ALKBH4: variants seen among roughly 807,000 people sequenced by gnomAD.
The protein encoded by ALKBH4 is alpha-ketoglutarate-dependent dioxygenase alkB homolog 4.
In ALKBH4, 8 loss-of-function variants were observed where a neutral mutation model predicts 12.1. The observed-to-expected ratio is 0.66, with a 90% CI of 0.39 to 1.19. The LOEUF is 1.19. ALKBH4 is among the 50% of genes most tolerant of loss of function. The pLI, the probability that ALKBH4 is intolerant of heterozygous loss-of-function variation, is 0.01. For missense variants in ALKBH4, 403 were observed against 430.4 expected (o/e 0.94, Z 0.56); for synonymous variants, 195 against 191.6 (o/e 1.02, Z -0.15).
intron 2 of ALKBH4, 76 bp downstream of exon 2, chr7:102,459,528 A>C (rs1322995405): frequency 6.7e-7 from 1 of 1,500,252 alleles, no homozygotes; most frequent in East Asian, 2.3e-5. Flanking sequence ...GGCTGCAAGG[A>C]GGGGGATGGC....
chr7:102,459,873 G>C (rs976840841), intron 1 of ALKBH4, 72 bp from the exon 2 acceptor site: 1 of 1,423,684 alleles, frequency 7.0e-7, no homozygotes, highest in African/African-American at 1.4e-5. Context: ...GTTAAAACAG[G>C]CCAGGTGCGG....
chr7:102,463,956 A>C (rs887786364), intron 1 of ALKBH4, among the ~76,000 whole-genome samples: 2 of 151,974 alleles, frequency 1.3e-5, no homozygotes, highest in African/African-American at 4.8e-5. Flanking sequence ...ACTCCTTTAA[A>C]ACCCTTCAAG....
intron 2 of ALKBH4, among the ~76,000 whole-genome samples, chr7:102,458,659 G>C (rs1210593343): frequency 6.6e-6 from 1 of 151,182 alleles, no homozygotes; most frequent in Admixed American, 6.6e-5. Context: ...GATCGCTAGA[G>C]CCTGGGGGGT....
At position 102,457,481 on chromosome 7, in the gene ALKBH4, C is replaced by T. The variant is rs1054777480; in HGVS notation, c.822G>A (p.Ser274=). The T allele has an allele frequency of 9.9e-6, 16 of 1,613,500 alleles. No individual in the cohort carries two copies. Among genetic ancestry groups the T allele is most frequent in the Middle Eastern group, 1.6e-4 (1 of 6,062 alleles). The change falls in exon 3 of 3, where the codon TCG becomes TCA. Residue 274 remains serine (S), a synonymous_variant. Transcript: ENST00000292566. This position sits in a 1 kb window ranked among gnomAD's most constrained non-coding sequence, Gnocchi z 5.9. ...GCCTCCCTCCAGGGCCAAACTCAGC[C>T]GACAGCTCCCGGAAAGTGACGCAGA... The part of the protein sequence containing the change: ...RRVCVTFREL[S]AEFGPGGRQQ...
In ALKBH4 at chr7:102,457,635, C is replaced by A; in HGVS notation, c.668G>T (p.Arg223Leu). The change falls in exon 3 of 3, where the codon CGG becomes CTG. Residue 223 changes from arginine (R) to leucine (L), a missense_variant. Transcript: ENST00000292566. This position sits in a 1 kb window ranked among gnomAD's most constrained non-coding sequence, Gnocchi z 5.9. ...ALVDSVIAPS[R>L]SVLCQEVEVA... The stretch of plus-strand genomic sequence containing the variant: ...CTCCACCTCCTGGCATAGCACCGAC[C>A]GGCTGGGTGCTATCACGCTGTCCAC... 1 of 1,582,656 alleles carries A rather than the reference C, an allele frequency of 6.3e-7. No homozygotes were observed. The highest frequency in any genetic ancestry group is 2.3e-5 in the East Asian group (1 of 43,618).
In ALKBH4 at chr7:102,457,334, C is replaced by T; in HGVS notation, c.*60G>A. The T allele has an allele frequency of 5.2e-6, 8 of 1,534,044 alleles. No individual in the cohort carries two copies. The highest frequency in any genetic ancestry group is 7.1e-6 in the Non-Finnish European group (8 of 1,127,214). On this transcript the variant is annotated 3_prime_UTR_variant, in exon 3 of 3. Coordinates refer to ENST00000292566, the MANE Select transcript of ALKBH4 (RefSeq NM_017621.4). The surrounding 1 kb of genome is among the most constrained non-coding windows in gnomAD (Gnocchi z 5.9). ...GAAACCCCGTGAGTTGCAGGAGGCCCTGTTCTGTGCTCCTCATTTCAATCC... is the reference window on the plus strand; with the variant it reads ...GAAACCCCGTGAGTTGCAGGAGGCCTTGTTCTGTGCTCCTCATTTCAATCC...
chr7:102,457,450 C>T lies in ALKBH4; in HGVS notation c.853G>A (p.Glu285Lys). The T allele has an allele frequency of 6.2e-7, 1 of 1,613,514 alleles. No individual in the cohort carries two copies. The highest frequency in any genetic ancestry group is 8.5e-7 in the Non-Finnish European group (1 of 1,180,018). ...AEFGPGGRQQ[E>K]LGQELLRIAL... ...ATCCGCAGCAGTTCCTGGCCCAGCT[C>T]TTGCTGCCTCCCTCCAGGGCCAAAC... The change falls in exon 3 of 3, where the codon GAG becomes AAG. Residue 285 changes from glutamate (E) to lysine (K), a missense_variant. Physicochemically the swap from Glu to Lys is moderately conservative, Grantham distance 56. Transcript: ENST00000292566. The surrounding 1 kb of genome is among the most constrained non-coding windows in gnomAD (Gnocchi z 5.9).
rs372968103 is a variant in ALKBH4, at chr7:102,457,933, C to T, written c.370G>A (p.Gly124Ser). 3.1e-6 allele frequency: 5 copies of T among 1,613,008 alleles called. No homozygotes were observed. Among genetic ancestry groups the T allele is most frequent in the Non-Finnish European group, 4.2e-6 (5 of 1,179,538 alleles). Reference protein sequence around the residue: ...NFRKQKLKTEGFCGLPSFSRE... With the variant: ...NFRKQKLKTESFCGLPSFSRE... ...CTGAAGCTGGGGAGGCCGCAGAAGCCCTCGGTCTTTAGCTTCTGTTTCCGA... is the reference window on the plus strand; with the variant it reads ...CTGAAGCTGGGGAGGCCGCAGAAGCTCTCGGTCTTTAGCTTCTGTTTCCGA... The change falls in exon 3 of 3, where the codon GGC (glycine) becomes AGC (serine). Residue 124 changes from glycine to serine, a missense_variant. By Grantham distance (56) the Gly-to-Ser change is moderately conservative (BLOSUM62 0). Coordinates refer to ENST00000292566, the MANE Select transcript of ALKBH4 (RefSeq NM_017621.4). The surrounding 1 kb of genome is among the most constrained non-coding windows in gnomAD (Gnocchi z 5.9).
chr7:102,457,717 C>T lies in ALKBH4; in HGVS notation c.586G>A (p.Glu196Lys). The part of the protein sequence containing the change: ...LSPTVLSMCR[E>K]APGSLLLCSA... Reference sequence around the variant, plus strand: ...CAGAGGAGCAGGCTCCCGGGCGCCTCCCGACACATGGACAGCACGGTGGGG... The same window carrying T: ...CAGAGGAGCAGGCTCCCGGGCGCCTTCCGACACATGGACAGCACGGTGGGG... Residue 196 changes from glutamate (E) to lysine (K), a missense_variant, in exon 3 of 3, where the codon GAG becomes AAG. Coordinates refer to ENST00000292566, the MANE Select transcript of ALKBH4 (RefSeq NM_017621.4). The surrounding 1 kb of genome is among the most constrained non-coding windows in gnomAD (Gnocchi z 5.9). The T allele has an allele frequency of 6.4e-7, 1 of 1,561,254 alleles. No individual in the cohort carries two copies. Among genetic ancestry groups the T allele is most frequent in the South Asian group, 1.1e-5 (1 of 87,440 alleles).
chr7:102,457,326 A>C lies in ALKBH4; in HGVS notation c.*68T>G. 6 of 1,502,654 alleles carry C rather than the reference A, an allele frequency of 4.0e-6. No individual in the cohort carries two copies. The highest frequency in any genetic ancestry group is 5.4e-6 in the Non-Finnish European group (6 of 1,102,772). 93.1% of individuals were successfully genotyped at this position (1,502,654 alleles called of 1,614,324 possible). A position where few individuals can be genotyped will look rare whatever the true frequency, so the allele number is the denominator to read the frequency against. ...CTTCTCTTGAAACCCCGTGAGTTGC[A>C]GGAGGCCCTGTTCTGTGCTCCTCAT... On this transcript the variant is annotated 3_prime_UTR_variant, in exon 3 of 3. Coordinates refer to ENST00000292566, the MANE Select transcript of ALKBH4 (RefSeq NM_017621.4). This position sits in a 1 kb window ranked among gnomAD's most constrained non-coding sequence, Gnocchi z 5.9.
intron 1 of ALKBH4, among the ~76,000 whole-genome samples, chr7:102,463,482 A>C (rs956338326): frequency 6.6e-6 from 1 of 151,694 alleles, no homozygotes; most frequent in Admixed American, 6.6e-5. Flanking sequence ...GATGTGCCTC[A>C]CCAAGCCCGG....
chr7:102,459,577 AC>A, intron 2 of ALKBH4, 26 bp downstream of exon 2: 1 of 1,596,786 alleles, frequency 6.3e-7, no homozygotes, highest in Admixed American at 1.7e-5. Flanking sequence ...CAGCCCAGCA[AC>A]CCCCATGAGC....
chr7:102,460,324 C>CA (rs1156512949), intron 1 of ALKBH4, among the ~76,000 whole-genome samples: 136 of 58,432 alleles, frequency 2.3e-3, no homozygotes, highest in East Asian at 6.4e-3. Flanking sequence ...GACCCTGTCT[C>CA]AAAAAAAAAA....
In ALKBH4 at chr7:102,457,615, C is replaced by G; in HGVS notation, c.688G>C (p.Val230Leu). 6.3e-7 allele frequency: 1 copy of G among 1,597,890 alleles called. No homozygotes were observed. The highest frequency in any genetic ancestry group is 8.5e-7 in the Non-Finnish European group (1 of 1,177,310). The change falls in exon 3 of 3, where the codon GTG becomes CTG. Residue 230 changes from valine (V) to leucine (L), a missense_variant. By Grantham distance (32) the Val-to-Leu change is conservative. Coordinates refer to ENST00000292566, the MANE Select transcript of ALKBH4 (RefSeq NM_017621.4). The surrounding 1 kb of genome is among the most constrained non-coding windows in gnomAD (Gnocchi z 5.9). ...GCGGGTAAGGGGATGGCCACCTCCACCTCCTGGCATAGCACCGACCGGCTG... is the reference window on the plus strand; with the variant it reads ...GCGGGTAAGGGGATGGCCACCTCCAGCTCCTGGCATAGCACCGACCGGCTG... The part of the protein sequence containing the change: ...APSRSVLCQE[V>L]EVAIPLPARS...
rs749692469 is a variant in ALKBH4, at chr7:102,457,682, C to T, written c.621G>A (p.Pro207=). 26 of 1,556,364 alleles carry T rather than the reference C, an allele frequency of 1.7e-5. No homozygotes were observed. The highest frequency in any genetic ancestry group is 1.7e-4 in the Middle Eastern group (1 of 5,960). The change falls in exon 3 of 3, where the codon CCG becomes CCA. Residue 207 remains proline (P), a synonymous_variant. Coordinates refer to ENST00000292566, the MANE Select transcript of ALKBH4 (RefSeq NM_017621.4). This position sits in a 1 kb window ranked among gnomAD's most constrained non-coding sequence, Gnocchi z 5.9. ...CCACCAAGGCCTCCGGGGCAGCCGACGGGGCCGAGCAGAGGAGCAGGCTCC... is the reference window on the plus strand; with the variant it reads ...CCACCAAGGCCTCCGGGGCAGCCGATGGGGCCGAGCAGAGGAGCAGGCTCC... ...APGSLLLCSA[P]SAAPEALVDS...
At chr7:102,459,843 A>T (rs1284990786) in intron 1 of ALKBH4, 42 bp from the exon 2 acceptor site, 1 of 1,534,512 alleles carries the variant, frequency 6.5e-7, no homozygotes, top group Non-Finnish European at 8.8e-7. Context: ...CAACACAGCG[A>T]GACCCGGTCC....
chr7:102,457,291 G>C lies in ALKBH4; in HGVS notation c.*103C>G. On this transcript the variant is annotated 3_prime_UTR_variant, in exon 3 of 3. Coordinates refer to ENST00000292566, the MANE Select transcript of ALKBH4 (RefSeq NM_017621.4). This position sits in a 1 kb window ranked among gnomAD's most constrained non-coding sequence, Gnocchi z 5.9. ...GGCTCACACTGCTCACAGCATCAGG[G>C]GTCAGCCATCTTCTCTTGAAACCCC... The C allele has an allele frequency of 3.0e-6, 4 of 1,319,628 alleles. No individual in the cohort carries two copies. Among genetic ancestry groups the C allele is most frequent in the Non-Finnish European group, 4.2e-6 (4 of 946,466 alleles). 81.7% of individuals were successfully genotyped at this position (1,319,628 alleles called of 1,614,324 possible).
At position 102,456,564 on chromosome 7, in the gene ALKBH4, T is replaced by C. The variant is rs1292852839; in HGVS notation, c.*830A>G. 6.6e-6 allele frequency: 1 copy of C among 152,160 alleles called. No individual in the cohort carries two copies. Among genetic ancestry groups the C allele is most frequent in the Admixed American group, 6.6e-5 (1 of 15,266 alleles). The allele number at this position is 152,160 out of a possible 1,614,324, so 9.4% of individuals were successfully genotyped here. A position where few individuals can be genotyped will look rare whatever the true frequency, so the allele number is the denominator to read the frequency against. ...CGGGAGCTTTAATTTTTCCTACTTG[T>C]TAACAGCGTTATGGGGCTGGAAGGA... On this transcript the variant is annotated 3_prime_UTR_variant, in exon 3 of 3. Transcript: ENST00000292566.
intron 2 of ALKBH4, among the ~76,000 whole-genome samples, chr7:102,458,208 GGGAGCTCTTGAGGCCA>G (rs1196154795): frequency 6.6e-6 from 1 of 152,018 alleles, no homozygotes; most frequent in Non-Finnish European, 1.5e-5. Flanking sequence ...CTGAGGCGGA[GGGAGCTCTTGAGGCCA>G]GGAGTTTGAG....
Sources: gnomAD v4.1 joint callset for allele counts (sites outside exome capture counted in the v4.1 genomes callset) on GRCh38, gnomAD v4.1.1 for gene constraint, Gnocchi (gnomAD v3.1) non-coding constraint, MANE v1.5 for transcripts, NCBI Gene and HGNC (gene_info 2026-07-23, HGNC 2026-07-21) for gene names.